The following ARMH4 variants were observed in gnomAD, a reference collection of about 807,000 sequenced individuals.
ARMH4 encodes armadillo-like helical domain-containing protein 4.
ARMH4 carries 49 observed loss-of-function variants against 61.9 expected under a neutral mutation model. The observed-to-expected ratio is 0.79, with a 90% CI of 0.63 to 1.00. The LOEUF is 1.00. Ranked by LOEUF, ARMH4 falls within the 50% of genes least tolerant of loss-of-function variation. ARMH4 has a pLI of 0.00. For missense variants in ARMH4, 934 were observed against 930.0 expected (o/e 1.00, Z -0.06); for synonymous variants, 368 against 341.5 (o/e 1.08, Z -0.85).
intron 5 of ARMH4, among the ~76,000 whole-genome samples, chr14:58,029,987 G>A (rs1009602897): frequency 4.0e-5 from 6 of 151,894 alleles, no homozygotes; most frequent in African/African-American, 4.8e-5. Flanking sequence ...AACAAAATGC[G>A]GTATAGACAT....
Position 58,030,448 on chromosome 14 carries a change from A to AT in ARMH4, c.2090-18299dup, listed in dbSNP as rs543496868. The stretch of plus-strand genomic sequence containing the variant: ...AAACCACACCTGTGTTGATTTCCCA[A>AT]TTTTTTTATCGTGGTAATATACACG... On this transcript the variant is annotated intron_variant, in intron 5 of 7. Coordinates refer to ENST00000267485, the MANE Select transcript of ARMH4 (RefSeq NM_001001872.4). 2.3e-3 allele frequency among the ~76,000 whole-genome samples: 351 copies of AT among 152,338 alleles called. 2 individuals are homozygous for AT. The highest frequency in any genetic ancestry group is 7.6e-3 in the African/African-American group (314 of 41,588).
rs777905376 is a variant in ARMH4, at chr14:58,074,454, C to CT, written c.2089+22269dup. Reference sequence around the variant, plus strand: ...CTTTGGCAGTGGATGCAACACAGTTCTTTTTTTTTTTTTTTAGTTTAATTT... The same window carrying CT: ...CTTTGGCAGTGGATGCAACACAGTTCTTTTTTTTTTTTTTTTAGTTTAATTT... On this transcript the variant is annotated intron_variant, in intron 5 of 7. Coordinates refer to ENST00000267485, the MANE Select transcript of ARMH4 (RefSeq NM_001001872.4). Among the ~76,000 whole-genome samples the CT allele has an allele frequency of 7.5e-3, 1,043 of 139,308 alleles. 6 individuals are homozygous for CT. Among genetic ancestry groups the CT allele is most frequent in the African/African-American group, 0.019 (746 of 38,462 alleles). The allele number at this position is 139,308 out of a possible 152,430, so 91.4% of individuals were successfully genotyped here.
chr14:58,112,504 A>G (rs1158913603), intron 4 of ARMH4, among the ~76,000 whole-genome samples: 2 of 152,028 alleles, frequency 1.3e-5, no homozygotes, highest in African/African-American at 4.8e-5. Context: ...AATTTATTTT[A>G]TTGTCCACTA....
At chr14:58,036,887 A>C (rs1204128802) in intron 5 of ARMH4, among the ~76,000 whole-genome samples, 2 of 124,598 alleles carry the variant, frequency 1.6e-5, no homozygotes, top group Non-Finnish European at 3.6e-5. Context: ...CCCACTGCTC[A>C]AGGAAATAAA....
intron 5 of ARMH4, among the ~76,000 whole-genome samples, chr14:58,032,846 G>C (rs1347049895): frequency 6.6e-6 from 1 of 152,150 alleles, no homozygotes; most frequent in Non-Finnish European, 1.5e-5. Context: ...TTTCAGACCG[G>C]CTTAACAAAC....
At chr14:58,014,796 A>G (rs1882543779) in intron 5 of ARMH4, among the ~76,000 whole-genome samples, 1 of 152,226 alleles carries the variant, frequency 6.6e-6, no homozygotes, top group African/African-American at 2.4e-5. Flanking sequence ...GCAGCAATGT[A>G]GGGACTAAAG....
chr14:58,021,584 T>G (rs1207964178), intron 5 of ARMH4, among the ~76,000 whole-genome samples: 1 of 152,222 alleles, frequency 6.6e-6, no homozygotes, highest in African/African-American at 2.4e-5. Context: ...ACCAATATAG[T>G]GTTTGATCAA....
intron 5 of ARMH4, among the ~76,000 whole-genome samples, chr14:58,040,527 G>A (rs1481381375): frequency 6.6e-6 from 1 of 152,148 alleles, no homozygotes; most frequent in Non-Finnish European, 1.5e-5. Context: ...GTATTCCATG[G>A]TGTATATGTA....
chr14:58,125,178 C>T (rs746963064), intron 4 of ARMH4, among the ~76,000 whole-genome samples: 1 of 152,052 alleles, frequency 6.6e-6, no homozygotes, highest in Non-Finnish European at 1.5e-5. Context: ...CAGGACCCTC[C>T]ATTTGAAATG....
At chr14:58,016,238 T>G (rs1398458996) in intron 5 of ARMH4, among the ~76,000 whole-genome samples, 2 of 152,136 alleles carry the variant, frequency 1.3e-5, no homozygotes, top group Non-Finnish European at 2.9e-5. Flanking sequence ...CAGGATTGGT[T>G]TAAACACTCA....
In ARMH4 at chr14:58,144,023, C is replaced by A. The variant is rs56392191; in HGVS notation, c.-56-4609G>T. On this transcript the variant is annotated intron_variant, in intron 1 of 7. Transcript: ENST00000267485. ...TCCTGACCTCAAGCGATCCACCCAC[C>A]TCAGCTTCCCAAAGTGCTGGGATTA... Among the ~76,000 whole-genome samples, 5 of 152,294 alleles carry A rather than the reference C, an allele frequency of 3.3e-5. No homozygotes were observed. The South Asian group carries it at 6.2e-4, about 19-fold the overall frequency.
intron 4 of ARMH4, among the ~76,000 whole-genome samples, chr14:58,126,056 G>C (rs1233369600): frequency 6.6e-6 from 1 of 152,162 alleles, no homozygotes; most frequent in Non-Finnish European, 1.5e-5. Flanking sequence ...TATAAACCCA[G>C]GCATTCGAGC....
At chr14:58,045,864 CAAG>C (rs768142979) in intron 5 of ARMH4, among the ~76,000 whole-genome samples, 15 of 152,032 alleles carry the variant, frequency 9.9e-5, no homozygotes, top group Admixed American at 7.2e-4. Context: ...CAGAGACACA[CAAG>C]AAGAAGACAG....
At chr14:58,020,203 G>A (rs908171088) in intron 5 of ARMH4, among the ~76,000 whole-genome samples, 10 of 152,164 alleles carry the variant, frequency 6.6e-5, no homozygotes, top group Non-Finnish European at 1.2e-4. Flanking sequence ...TGGCTCTAAA[G>A]CCTGTTCAGT....
intron 1 of ARMH4, among the ~76,000 whole-genome samples, chr14:58,144,873 A>G (rs1053679404): frequency 3.9e-5 from 6 of 152,162 alleles, no homozygotes; most frequent in African/African-American, 1.4e-4. Flanking sequence ...ATCTCAAAAA[A>G]AAACAAACAA....
intron 5 of ARMH4, among the ~76,000 whole-genome samples, chr14:58,017,887 A>G (rs574404648): frequency 6.6e-6 from 1 of 152,238 alleles, no homozygotes; most frequent in African/African-American, 2.4e-5. Context: ...AAAATATATT[A>G]CATAACCAAA....
chr14:58,027,576 G>C (rs866406581), intron 5 of ARMH4, among the ~76,000 whole-genome samples: 1 of 152,164 alleles, frequency 6.6e-6, no homozygotes, highest in African/African-American at 2.4e-5. Flanking sequence ...GTTTGATATA[G>C]GTAAACATGA....
At chr14:58,006,026 A>G (rs1172968424) in intron 6 of ARMH4, among the ~76,000 whole-genome samples, 2 of 152,204 alleles carry the variant, frequency 1.3e-5, no homozygotes, top group East Asian at 3.9e-4. Context: ...CGATGTCTCC[A>G]GGGTCTCCAA....
In ARMH4 at chr14:58,096,708, T is replaced by C; in HGVS notation, c.2089+16A>G. The stretch of plus-strand genomic sequence containing the variant: ...AGGGGAGAAGGGAGGAAAAGGGAAA[T>C]ACACATGACTCTTACCCAGGCCTTG... On this transcript the variant is annotated intron_variant, in intron 5 of 7. Transcript: ENST00000267485. The C allele has an allele frequency of 6.2e-7, 1 of 1,606,104 alleles. No individual in the cohort carries two copies. Among genetic ancestry groups the C allele is most frequent in the Non-Finnish European group, 8.5e-7 (1 of 1,173,762 alleles).
Sources: gnomAD v4.1 joint callset for allele counts (sites outside exome capture counted in the v4.1 genomes callset) on GRCh38, gnomAD v4.1.1 for gene constraint, MANE v1.5 for transcripts, NCBI Gene and HGNC (gene_info 2026-07-23, HGNC 2026-07-21) for gene names.